Variants in SGCD observed in about 807,000 individuals in gnomAD.
The protein encoded by SGCD is sarcoglycan delta.
SGCD carries 18 observed loss-of-function variants against 36.6 expected under a neutral mutation model. The ratio of observed to expected loss-of-function variants is 0.49; its 90% CI spans 0.34 to 0.73. The LOEUF is 0.73. SGCD is among the 30% of genes least tolerant of loss of function. SGCD has a pLI of 0.01. For synonymous variants in SGCD, 133 were observed against 130.6 expected, an observed-to-expected ratio of 1.02 and a Z score of -0.12; for missense variants, 387 against 346.7, an observed-to-expected ratio of 1.12 and a Z score of -0.92.
At position 156,436,448 on chromosome 5, in the gene SGCD, G is replaced by A. The variant is rs536460636; in HGVS notation, c.193-72153G>A. Among the ~76,000 whole-genome samples, 99 of 152,300 alleles carry A rather than the reference G, an allele frequency of 6.5e-4. No homozygotes were observed. The Middle Eastern group carries it at 0.01, about 16-fold the overall frequency. On this transcript the variant is annotated intron_variant, in intron 3 of 8. Transcript: ENST00000337851. ...TAGTCAGAACTTTCCCAAGGAATTT[G>A]ACTCACGGCTTTGCTAGTGTAGGAT...
intron 7 of SGCD, among the ~76,000 whole-genome samples, chr5:156,681,113 AG>A (rs959297862): frequency 3.9e-5 from 6 of 152,204 alleles, no homozygotes; most frequent in African/African-American, 1.2e-4. Flanking sequence ...TCAGATCAGT[AG>A]GGGATCAGGG....
Position 156,639,656 on chromosome 5 carries a change from A to G in SGCD, c.503-7808A>G, listed in dbSNP as rs796523748. Among the ~76,000 whole-genome samples the G allele has an allele frequency of 2.0e-5, 3 of 152,308 alleles. 1 individual carries two copies. The highest frequency in any genetic ancestry group is 4.8e-5 in the African/African-American group (2 of 41,572). On this transcript the variant is annotated intron_variant, in intron 6 of 8. Coordinates refer to ENST00000337851, the MANE Select transcript of SGCD (RefSeq NM_000337.6). The stretch of plus-strand genomic sequence containing the variant: ...CAACAGTCTGCCTTCAGCTTTTGAT[A>G]GAATGTCTCTTGAGATGTGTCTTCC...
At chr5:156,309,601 A>ATTTTTTTTTTTT (rs3043458) in intron 3 of SGCD, among the ~76,000 whole-genome samples, 1 of 121,138 alleles carries the variant, frequency 8.3e-6, no homozygotes, top group African/African-American at 3.0e-5. Context: ...ATCTTTGAGC[A>ATTTTTTTTTTTT]TTTTTTTTTT....
At chr5:156,211,549 A>C (rs983212541) in intron 3 of SGCD, among the ~76,000 whole-genome samples, 16 of 151,168 alleles carry the variant, frequency 1.1e-4, no homozygotes, top group Non-Finnish European at 1.8e-4. Context: ...CGGAGCCTGC[A>C]GTGAGCCGAG....
intron 3 of SGCD, among the ~76,000 whole-genome samples, chr5:156,389,477 G>A (rs529381026): frequency 4.6e-5 from 7 of 152,178 alleles, no homozygotes; most frequent in African/African-American, 7.2e-5. Context: ...TTATAGTATT[G>A]TTTGCTTTGT....
At chr5:156,452,731 C>T (rs1754075907) in intron 3 of SGCD, among the ~76,000 whole-genome samples, 1 of 152,026 alleles carries the variant, frequency 6.6e-6, no homozygotes, top group African/African-American at 2.4e-5. Context: ...AGCTAAGATT[C>T]CACGGTGAAT....
intron 3 of SGCD, among the ~76,000 whole-genome samples, chr5:156,484,043 A>G (rs1405601541): frequency 6.6e-6 from 1 of 152,228 alleles, no homozygotes; most frequent in Non-Finnish European, 1.5e-5. Flanking sequence ...GCCCTTTCTA[A>G]TAAACAGAGA....
the SGCD span, among the ~76,000 whole-genome samples, chr5:155,754,041 A>G: frequency 9.9e-4 from 150 of 152,020 alleles, 1 homozygote; most frequent in African/African-American, 3.3e-3. Flanking sequence ...ATGGCCTTTG[A>G]GTTTGCAGAC....
chr5:156,733,047 G>C (rs866274526), intron 7 of SGCD, among the ~76,000 whole-genome samples: 1 of 151,748 alleles, frequency 6.6e-6, no homozygotes, highest in Non-Finnish European at 1.5e-5. Flanking sequence ...TTTTTTGAAG[G>C]GTTTTTCATG....
chr5:156,704,869 C>T (rs1754676658), intron 7 of SGCD, among the ~76,000 whole-genome samples: 1 of 151,484 alleles, frequency 6.6e-6, no homozygotes, highest in East Asian at 1.9e-4. Flanking sequence ...AAAATACTGC[C>T]ATTCACCTGG....
At chr5:156,288,126 A>G (rs1259779910) in intron 3 of SGCD, among the ~76,000 whole-genome samples, 3 of 152,224 alleles carry the variant, frequency 2.0e-5, no homozygotes, top group Non-Finnish European at 4.4e-5. Context: ...ATGTAGGCAT[A>G]TGCCAGGAAA....
intron 6 of SGCD, among the ~76,000 whole-genome samples, chr5:156,637,514 C>T (rs955430675): frequency 1.3e-5 from 2 of 152,156 alleles, no homozygotes; most frequent in Admixed American, 1.3e-4. Flanking sequence ...AAACTAGCCA[C>T]ATCCTTACCC....
intron 3 of SGCD, among the ~76,000 whole-genome samples, chr5:156,436,361 T>C (rs1346517623): frequency 6.6e-6 from 1 of 152,218 alleles, no homozygotes; most frequent in Non-Finnish European, 1.5e-5. Context: ...AATGAATAAA[T>C]GAATGAATGA....
intron 3 of SGCD, among the ~76,000 whole-genome samples, chr5:156,262,113 T>C (rs1445260107): frequency 6.6e-6 from 1 of 152,130 alleles, no homozygotes; most frequent in Non-Finnish European, 1.5e-5. Context: ...CCAGTATTGA[T>C]AAAGTCTATG....
intron 3 of SGCD, among the ~76,000 whole-genome samples, chr5:156,152,763 G>A (rs560391054): frequency 6.6e-6 from 1 of 151,438 alleles, no homozygotes; most frequent in Non-Finnish European, 1.5e-5. Context: ...TATTTCCATT[G>A]GATAGCACTG....
chr5:156,402,433 G>A (rs1772203676), intron 3 of SGCD, among the ~76,000 whole-genome samples: 1 of 152,210 alleles, frequency 6.6e-6, no homozygotes, highest in South Asian at 2.1e-4. Flanking sequence ...GTGCAAAAGA[G>A]AAAGTATACT....
intron 1 of SGCD, among the ~76,000 whole-genome samples, chr5:155,910,192 G>A (rs926745009): frequency 7.2e-5 from 11 of 151,902 alleles, no homozygotes; most frequent in African/African-American, 2.4e-4. Context: ...CCTCCCCAAT[G>A]TCCTCGACTA....
the SGCD span, among the ~76,000 whole-genome samples, chr5:155,746,598 T>C: frequency 6.6e-6 from 1 of 152,190 alleles, no homozygotes; most frequent in Non-Finnish European, 1.5e-5. Context: ...GTCTCTTGTC[T>C]TAAGTCTCTG....
intron 1 of SGCD, among the ~76,000 whole-genome samples, chr5:155,965,125 T>C (rs754729941): frequency 5.3e-5 from 8 of 152,120 alleles, no homozygotes; most frequent in Non-Finnish European, 1.2e-4. Flanking sequence ...ATTAGGTGCA[T>C]CTCTGCCCTG....
Sources: gnomAD v4.1 joint callset for allele counts (sites outside exome capture counted in the v4.1 genomes callset) on GRCh38, gnomAD v4.1.1 for gene constraint, MANE v1.5 for transcripts, NCBI Gene and HGNC (gene_info 2026-07-23, HGNC 2026-07-21) for gene names.